Variants in ARMC9 observed in about 807,000 individuals in gnomAD.
ARMC9 encodes the protein armadillo repeat containing 9.
A neutral mutation model predicts 107.0 loss-of-function variants in ARMC9; 94 were observed. The ratio of observed to expected loss-of-function variants is 0.88; its 90% CI spans 0.74 to 1.04. ARMC9 has a LOEUF of 1.04. Ranked by LOEUF, ARMC9 falls within the 50% of genes least tolerant of loss-of-function variation. The pLI, the probability that ARMC9 is intolerant of heterozygous loss-of-function variation, is 0.00. For synonymous variants in ARMC9, 380 were observed against 396.9 expected (o/e 0.96, Z 0.51); for missense variants, 942 against 1,030.1 (o/e 0.91, Z 1.17).
Position 231,304,976 on chromosome 2 carries a change from C to G in ARMC9, c.1773+8723C>G, listed in dbSNP as rs1340909720. Among the ~76,000 whole-genome samples, 5 of 152,280 alleles carry G rather than the reference C, an allele frequency of 3.3e-5. No homozygotes were observed. In the South Asian group the frequency reaches 8.3e-4, roughly 25 times the overall value. On this transcript the variant is annotated intron_variant, in intron 19 of 24. Transcript: ENST00000611582. ...AACCATAGTCTGTCAGTTACTCTTT[C>G]AAATGAAAATGGTGTTCCTTGAAAA...
rs573833197 is a variant in ARMC9, at chr2:231,226,993, G to A, written c.622+195G>A. The stretch of plus-strand genomic sequence containing the variant: ...CGGGAGGGCTGGTATTGTTAGCTTC[G>A]TCTTGCATGTCAGGTAGCTAAGCCT... On this transcript the variant is annotated intron_variant, in intron 7 of 24. Transcript: ENST00000611582. Among the ~76,000 whole-genome samples, 7 of 152,290 alleles carry A rather than the reference G, an allele frequency of 4.6e-5. No homozygotes were observed. In the South Asian group the frequency reaches 8.3e-4, roughly 18 times the overall value.
At chr2:231,355,318 C>T (rs139831936) in intron 21 of ARMC9, among the ~76,000 whole-genome samples, 27 of 152,208 alleles carry the variant, frequency 1.8e-4, no homozygotes, top group African/African-American at 6.5e-4. Context: ...CCAGCCTGGG[C>T]GACAGAGTGA....
chr2:231,213,099 A>T (rs1325449217), intron 3 of ARMC9, among the ~76,000 whole-genome samples: 1 of 152,130 alleles, frequency 6.6e-6, no homozygotes, highest in African/African-American at 2.4e-5. Flanking sequence ...TTGCTTATAA[A>T]CAGATAAAAC....
intron 9 of ARMC9, among the ~76,000 whole-genome samples, chr2:231,250,401 C>T (rs1373086370): frequency 6.6e-6 from 1 of 152,206 alleles, no homozygotes; most frequent in African/African-American, 2.4e-5. Flanking sequence ...CCCAAAATGT[C>T]TCCAGACATT....
In ARMC9 at chr2:231,317,563, A is replaced by C. The variant is rs192273678; in HGVS notation, c.1774-14230A>C. Reference sequence around the variant, plus strand: ...TTTAAACCAAATTTGAGTAGTGTATAACCATTATTTACTCAAGTGTTATTT... The same window carrying C: ...TTTAAACCAAATTTGAGTAGTGTATCACCATTATTTACTCAAGTGTTATTT... On this transcript the variant is annotated intron_variant, in intron 19 of 24. Transcript: ENST00000611582. Among the ~76,000 whole-genome samples, 391 of 151,430 alleles carry C rather than the reference A, an allele frequency of 2.6e-3. 4 individuals are homozygous for C. The highest frequency in any genetic ancestry group is 9.0e-3 in the African/African-American group (372 of 41,288).
At chr2:231,317,122 T>C (rs1206093854) in intron 19 of ARMC9, among the ~76,000 whole-genome samples, 2 of 152,162 alleles carry the variant, frequency 1.3e-5, no homozygotes, top group Non-Finnish European at 2.9e-5. Context: ...GGTTTGTCTA[T>C]GATGTACCTA....
chr2:231,276,588 GAA>G, intron 14 of ARMC9, 46 bp from the exon 15 acceptor site: 1 of 1,611,710 alleles, frequency 6.2e-7, no homozygotes. Flanking sequence ...CCTCTTATAT[GAA>G]AAGTTTCTTG....
At chr2:231,280,596 G>A (rs542039894) in intron 16 of ARMC9, among the ~76,000 whole-genome samples, 1 of 152,144 alleles carries the variant, frequency 6.6e-6, no homozygotes, top group South Asian at 2.1e-4. Context: ...TCATGATCTT[G>A]AAAGACAAAA....
At chr2:231,244,608 A>G (rs1436538629) in intron 9 of ARMC9, among the ~76,000 whole-genome samples, 1 of 152,128 alleles carries the variant, frequency 6.6e-6, no homozygotes, top group African/African-American at 2.4e-5. Context: ...GGGCTCAAGC[A>G]GTCCTCCCAC....
chr2:231,298,339 C>G (rs908978026), intron 19 of ARMC9, among the ~76,000 whole-genome samples: 1 of 152,244 alleles, frequency 6.6e-6, no homozygotes, highest in Middle Eastern at 3.2e-3. Flanking sequence ...CTGGATTTTA[C>G]TCAGCTTTCA....
chr2:231,326,689 C>G (rs2043342822), intron 19 of ARMC9, among the ~76,000 whole-genome samples: 1 of 152,194 alleles, frequency 6.6e-6, no homozygotes, highest in Non-Finnish European at 1.5e-5. Flanking sequence ...AGGCCCAGTT[C>G]CCAGCCACAA....
At chr2:231,320,665 G>A (rs2042947621) in intron 19 of ARMC9, among the ~76,000 whole-genome samples, 1 of 152,140 alleles carries the variant, frequency 6.6e-6, no homozygotes, top group Admixed American at 6.6e-5. Flanking sequence ...ATCCAGAAAA[G>A]GCAGTGGCAG....
chr2:231,347,263 C>A (rs1057178260), intron 21 of ARMC9, among the ~76,000 whole-genome samples: 2 of 152,190 alleles, frequency 1.3e-5, no homozygotes, highest in Admixed American at 1.3e-4. Flanking sequence ...ATGATGCAGT[C>A]GCCCCGTCAC....
At chr2:231,332,244 A>G (rs2043792386) in intron 20 of ARMC9, among the ~76,000 whole-genome samples, 1 of 152,208 alleles carries the variant, frequency 6.6e-6, no homozygotes, top group Admixed American at 6.5e-5. Context: ...ATACTGAGGT[A>G]GACTTGGAAG....
At chr2:231,339,019 A>T (rs2044315749) in intron 20 of ARMC9, among the ~76,000 whole-genome samples, 1 of 152,178 alleles carries the variant, frequency 6.6e-6, no homozygotes, top group Non-Finnish European at 1.5e-5. Flanking sequence ...ATGCCCTGTA[A>T]ATCTTTTTAC....
chr2:231,307,303 G>A (rs1258587211), intron 19 of ARMC9, among the ~76,000 whole-genome samples: 2 of 152,282 alleles, frequency 1.3e-5, no homozygotes, highest in Admixed American at 1.3e-4. Context: ...GGGCTCTCGA[G>A]CAAAGGGGCT....
intron 7 of ARMC9, among the ~76,000 whole-genome samples, chr2:231,228,579 GA>G (rs2034895406): frequency 6.6e-6 from 1 of 152,242 alleles, no homozygotes; most frequent in South Asian, 2.1e-4. Context: ...CCTAGCCTCT[GA>G]AGTCAGTCAG....
chr2:231,276,426 C>T (rs191328478), intron 14 of ARMC9, among the ~76,000 whole-genome samples: 3 of 152,110 alleles, frequency 2.0e-5, no homozygotes, highest in South Asian at 2.1e-4. Context: ...GCCGTCACCA[C>T]GCCTGGCTAA....
At chr2:231,305,296 C>A (rs1205479524) in intron 19 of ARMC9, among the ~76,000 whole-genome samples, 1 of 152,234 alleles carries the variant, frequency 6.6e-6, no homozygotes, top group Non-Finnish European at 1.5e-5. Flanking sequence ...TTTTACCCAT[C>A]ATTGCTTTTG....
Sources: gnomAD v4.1 joint callset for allele counts (sites outside exome capture counted in the v4.1 genomes callset) on GRCh38, gnomAD v4.1.1 for gene constraint, MANE v1.5 for transcripts, NCBI Gene and HGNC (gene_info 2026-07-23, HGNC 2026-07-21) for gene names.